MARCHF3: variants seen among roughly 807,000 people sequenced by gnomAD.
MARCHF3 encodes the protein E3 ubiquitin-protein ligase MARCHF3.
Under a neutral mutation model 24.2 loss-of-function variants are expected in MARCHF3, and 13 were observed. That is an observed-to-expected ratio of 0.54 (90% confidence interval 0.35 to 0.85). The LOEUF (loss-of-function observed/expected upper bound fraction) is 0.85. Among genes scored for constraint, MARCHF3 ranks in the 40% least tolerant of loss-of-function variants. The probability of loss-of-function intolerance (pLI) is 0.01; values close to 1 mark genes in which losing one functional copy is unlikely to be tolerated. For synonymous variants in MARCHF3, 144 were observed against 137.3 expected (o/e 1.05, Z -0.34); for missense variants, 276 against 325.0 (o/e 0.85, Z 1.16).
rs1335941933 is a variant in MARCHF3 at position 126,907,616 on chromosome 5, C to T, written c.393+7314G>A. 1.1e-3 allele frequency among the ~76,000 whole-genome samples: 168 copies of T among 148,958 alleles called. 1 individual carries two copies. The highest frequency in any genetic ancestry group is 3.5e-3 in the African/African-American group (143 of 40,310). ...TTTTGATCTTTGTTGGTTTAAAGTCCGTTTTATCAGAGACTAGGATTGCAA... is the reference window on the plus strand; with the variant it reads ...TTTTGATCTTTGTTGGTTTAAAGTCTGTTTTATCAGAGACTAGGATTGCAA... On this transcript the variant is annotated intron_variant, in intron 3 of 4. Transcript: ENST00000308660.
chr5:126,988,283 A>G (rs986204195), intron 1 of MARCHF3, among the ~76,000 whole-genome samples: 1 of 152,134 alleles, frequency 6.6e-6, no homozygotes, highest in Non-Finnish European at 1.5e-5. Flanking sequence ...TTTCCTATTC[A>G]TAGGCAGCAA....
intron 1 of MARCHF3, among the ~76,000 whole-genome samples, chr5:127,009,169 A>G (rs1289390983): frequency 3.3e-5 from 5 of 152,166 alleles, no homozygotes; most frequent in African/African-American, 7.2e-5. Context: ...CCAAAGCCCA[A>G]TTCCTTTCAG....
At chr5:126,926,946 T>A (rs1000128944) in intron 1 of MARCHF3, among the ~76,000 whole-genome samples, 2 of 152,094 alleles carry the variant, frequency 1.3e-5, no homozygotes, top group Non-Finnish European at 2.9e-5. Flanking sequence ...CAGCCCACCC[T>A]CTTCTACAGT....
chr5:126,962,429 T>C (rs1750668463), intron 1 of MARCHF3, among the ~76,000 whole-genome samples: 1 of 151,980 alleles, frequency 6.6e-6, no homozygotes, highest in Non-Finnish European at 1.5e-5. Flanking sequence ...TGTGTGTGTA[T>C]GTGTGTGTGT....
intron 1 of MARCHF3, among the ~76,000 whole-genome samples, chr5:126,956,538 G>A (rs1245125912): frequency 1.3e-5 from 2 of 150,924 alleles, no homozygotes; most frequent in African/African-American, 4.9e-5. Context: ...CCAGCTACTT[G>A]GGAGGCTGAG....
intron 1 of MARCHF3, among the ~76,000 whole-genome samples, chr5:126,971,448 C>CA (rs60881844): frequency 0.019 from 1,668 of 89,626 alleles, 19 homozygotes; most frequent in Non-Finnish European, 0.029. Flanking sequence ...GACTCTGTCT[C>CA]AAAAAAAAAA....
intron 3 of MARCHF3, among the ~76,000 whole-genome samples, chr5:126,884,997 C>T (rs1307373062): frequency 1.1e-4 from 16 of 152,226 alleles, no homozygotes; most frequent in Admixed American, 9.2e-4. Context: ...TGCTACCTCT[C>T]GCTTCATTTT....
chr5:127,028,340 C>G (rs531385900), intron 1 of MARCHF3, among the ~76,000 whole-genome samples: 2 of 152,306 alleles, frequency 1.3e-5, no homozygotes, highest in Non-Finnish European at 2.9e-5. Context: ...ACTTATTAAG[C>G]TATTATACTC....
At position 126,884,272 on chromosome 5, in the gene MARCHF3, T is replaced by A. The variant is rs1379306073; in HGVS notation, c.394-5878A>T. ...AACAAACTCCTACTAGTGTTTTAAA[T>A]CCCTGAACTCCACAGTCTGTCAATG... On this transcript the variant is annotated intron_variant, in intron 3 of 4. Coordinates refer to ENST00000308660, the MANE Select transcript of MARCHF3 (RefSeq NM_178450.5). 2.0e-5 allele frequency among the ~76,000 whole-genome samples: 3 copies of A among 152,094 alleles called. No individual in the cohort carries two copies. The East Asian group carries it at 5.8e-4, about 29-fold the overall frequency.
intron 1 of MARCHF3, among the ~76,000 whole-genome samples, chr5:126,922,765 C>T (rs2126798646): frequency 6.6e-6 from 1 of 152,260 alleles, no homozygotes; most frequent in East Asian, 1.9e-4. Context: ...CCAGGATGGT[C>T]TCGATCTCCT....
chr5:127,023,043 C>T (rs965461793), intron 1 of MARCHF3, among the ~76,000 whole-genome samples: 9 of 152,174 alleles, frequency 5.9e-5, no homozygotes, highest in African/African-American at 1.7e-4. Flanking sequence ...GGTCTGTACA[C>T]GACCTCAGTA....
intron 1 of MARCHF3, among the ~76,000 whole-genome samples, chr5:126,969,265 T>C (rs1271531305): frequency 6.6e-6 from 1 of 152,192 alleles, no homozygotes; most frequent in Non-Finnish European, 1.5e-5. Context: ...GATGCACAAT[T>C]TTACCCAACA....
At chr5:126,872,356 G>A (rs563107628) in intron 4 of MARCHF3, among the ~76,000 whole-genome samples, 8 of 152,210 alleles carry the variant, frequency 5.3e-5, no homozygotes, top group South Asian at 4.1e-4. Context: ...CATGGTGCCC[G>A]GCCAAGGTGC....
At chr5:126,918,678 A>G (rs1158748652) in intron 1 of MARCHF3, among the ~76,000 whole-genome samples, 4 of 152,212 alleles carry the variant, frequency 2.6e-5, no homozygotes, top group African/African-American at 7.2e-5. Context: ...TGAGATACTA[A>G]GATTAAAAGG....
chr5:126,967,557 G>A (rs905484274), intron 1 of MARCHF3, among the ~76,000 whole-genome samples: 1 of 152,176 alleles, frequency 6.6e-6, no homozygotes, highest in Non-Finnish European at 1.5e-5. Flanking sequence ...GCCAGGCGTG[G>A]TGGCCGGCAC....
chr5:127,000,868 G>A (rs955454532), intron 1 of MARCHF3, among the ~76,000 whole-genome samples: 29 of 151,882 alleles, frequency 1.9e-4, no homozygotes, highest in Admixed American at 1.3e-4. Flanking sequence ...GGGTTTCACC[G>A]TGTTAGCCAG....
chr5:126,914,683 C>T, intron 3 of MARCHF3: 1 of 569,258 alleles, frequency 1.8e-6, no homozygotes, highest in South Asian at 2.3e-5. Context: ...CTAATTTATT[C>T]TGCTTTCCTT....
intron 1 of MARCHF3, among the ~76,000 whole-genome samples, chr5:126,930,950 T>A (rs1004040406): frequency 6.6e-6 from 1 of 152,238 alleles, no homozygotes; most frequent in Non-Finnish European, 1.5e-5. Flanking sequence ...GGGAAGATAA[T>A]ATGCTGGCTC....
intron 1 of MARCHF3, among the ~76,000 whole-genome samples, chr5:127,015,212 A>G (rs1752599096): frequency 6.6e-6 from 1 of 152,216 alleles, no homozygotes; most frequent in Non-Finnish European, 1.5e-5. Context: ...TGGGAAGTTT[A>G]GCTCAGAAGT....
Sources: gnomAD v4.1 joint callset for allele counts (sites outside exome capture counted in the v4.1 genomes callset) on GRCh38, gnomAD v4.1.1 for gene constraint, MANE v1.5 for transcripts, NCBI Gene and HGNC (gene_info 2026-07-23, HGNC 2026-07-21) for gene names.